GALNT18: variants seen among roughly 807,000 people sequenced by gnomAD.
GALNT18 encodes the protein polypeptide N-acetylgalactosaminyltransferase 18.
In GALNT18, 44 loss-of-function variants were observed where a neutral mutation model predicts 69.5. That is an observed-to-expected ratio of 0.63 (90% CI 0.50 to 0.81). The LOEUF (loss-of-function observed/expected upper bound fraction) is 0.81. GALNT18 is among the 40% of genes least tolerant of loss of function. The pLI, the probability that GALNT18 is intolerant of heterozygous loss-of-function variation, is 0.00. For synonymous variants in GALNT18, 364 were observed against 318.2 expected (o/e 1.14, Z -1.53); for missense variants, 715 against 810.0 (o/e 0.88, Z 1.42).
chr11:11,308,375 G>A (rs11021769), intron 9 of GALNT18, among the ~76,000 whole-genome samples: 8,190 of 152,058 alleles, frequency 0.054, 306 homozygotes, highest in Non-Finnish European at 0.081. Flanking sequence ...TTGTCTTTGT[G>A]GGGGTTTCTT....
At chr11:11,277,968 G>A (rs1166106621) in intron 10 of GALNT18, among the ~76,000 whole-genome samples, 4 of 152,164 alleles carry the variant, frequency 2.6e-5, no homozygotes, top group African/African-American at 9.6e-5. Context: ...TGAGAAGAAT[G>A]TATATTCTGT....
intron 1 of GALNT18, among the ~76,000 whole-genome samples, chr11:11,535,663 A>T (rs1396425566): frequency 6.6e-6 from 1 of 152,136 alleles, no homozygotes; most frequent in Non-Finnish European, 1.5e-5. Context: ...CTGACCACCC[A>T]GCCGGCCGAG....
chr11:11,587,419 A>T lies in GALNT18; in HGVS notation c.235+33940T>A, dbSNP rs1197225251. ...GGCTTCCCTTCAAGGAATCCGTTAC[A>T]CACCAAATCAGTGAAGACTGCATCC... On this transcript the variant is annotated intron_variant, in intron 1 of 10. Coordinates refer to ENST00000227756, the MANE Select transcript of GALNT18 (RefSeq NM_198516.3). The surrounding 1 kb of genome is among the most constrained non-coding windows in gnomAD (Gnocchi z 4.4). Among the ~76,000 whole-genome samples the T allele has an allele frequency of 1.3e-5, 2 of 152,204 alleles. No individual in the cohort carries two copies.
Position 11,617,285 on chromosome 11 carries a change from C to T in GALNT18, c.235+4074G>A, listed in dbSNP as rs954325966. On this transcript the variant is annotated intron_variant, in intron 1 of 10. Coordinates refer to ENST00000227756, the MANE Select transcript of GALNT18 (RefSeq NM_198516.3). The surrounding 1 kb of genome is among the most constrained non-coding windows in gnomAD (Gnocchi z 4.7). ...TATTAACTAACTCAAGCCCTGACCA[C>T]GTTGACTAAAAGGGATTCTTTGTCC... Among the ~76,000 whole-genome samples, 5 of 152,226 alleles carry T rather than the reference C, an allele frequency of 3.3e-5. No individual in the cohort carries two copies. Among genetic ancestry groups the T allele is most frequent in the African/African-American group, 7.2e-5 (3 of 41,464 alleles).
intron 1 of GALNT18, among the ~76,000 whole-genome samples, chr11:11,539,932 A>G (rs1857871452): frequency 6.6e-6 from 1 of 152,372 alleles, no homozygotes; most frequent in Admixed American, 6.5e-5. Flanking sequence ...TGTGATATAC[A>G]GTTTCCAGAC....
intron 1 of GALNT18, among the ~76,000 whole-genome samples, chr11:11,558,687 C>T (rs569866687): frequency 3.6e-4 from 55 of 152,378 alleles, no homozygotes; most frequent in Middle Eastern, 3.4e-3. Flanking sequence ...CCTCTTCTGA[C>T]GCACTGCTGG....
rs1857170424 is a variant in GALNT18, at chr11:11,511,759, G to A, written c.236-62823C>T. 6.6e-6 allele frequency among the ~76,000 whole-genome samples: 1 copy of A among 152,132 alleles called. No homozygotes were observed. The highest frequency in any genetic ancestry group is 6.5e-5 in the Admixed American group (1 of 15,282). On this transcript the variant is annotated intron_variant, in intron 1 of 10. Transcript: ENST00000227756. This position sits in a 1 kb window ranked among gnomAD's most constrained non-coding sequence, Gnocchi z 4.9. ...AAGAAGAGGCCAGAGAGCTCTCCCAGTCTCTTTTTGCCATGTGAGGATACA... is the reference window on the plus strand; with the variant it reads ...AAGAAGAGGCCAGAGAGCTCTCCCAATCTCTTTTTGCCATGTGAGGATACA...
chr11:11,433,910 A>T (rs1855336270), intron 2 of GALNT18, among the ~76,000 whole-genome samples: 1 of 152,178 alleles, frequency 6.6e-6, no homozygotes, highest in Admixed American at 6.5e-5. Context: ...CCAGGGCGTT[A>T]GGGCTGGTGA....
Position 11,605,705 on chromosome 11 carries a change from C to A in GALNT18, c.235+15654G>T, listed in dbSNP as rs1180110128. Among the ~76,000 whole-genome samples, 4 of 152,206 alleles carry A rather than the reference C, an allele frequency of 2.6e-5. No homozygotes were observed. Among genetic ancestry groups the A allele is most frequent in the Non-Finnish European group, 4.4e-5 (3 of 68,026 alleles). On this transcript the variant is annotated intron_variant, in intron 1 of 10. Coordinates refer to ENST00000227756, the MANE Select transcript of GALNT18 (RefSeq NM_198516.3). This position sits in a 1 kb window ranked among gnomAD's most constrained non-coding sequence, Gnocchi z 4.7. The stretch of plus-strand genomic sequence containing the variant: ...GAAGCAGAAATGCCCTGCTTACCTG[C>A]ATCTTTTCTGGCATTATTCTCTGCT...
At chr11:11,585,458 C>T (rs1246418583) in intron 1 of GALNT18, among the ~76,000 whole-genome samples, 1 of 151,052 alleles carries the variant, frequency 6.6e-6, no homozygotes, top group Admixed American at 6.6e-5. Flanking sequence ...CAGGTTCAAA[C>T]GATTTTCCTG....
At chr11:11,352,279 A>C (rs530056112) in intron 6 of GALNT18, 1 of 1,614,126 alleles carries the variant, frequency 6.2e-7, no homozygotes, top group Admixed American at 1.7e-5. Flanking sequence ...AAGCGTTCCC[A>C]TCGCTTTCGA....
In GALNT18 at chr11:11,540,887, G is replaced by T. The variant is rs1857903021; in HGVS notation, c.235+80472C>A. 6.6e-6 allele frequency among the ~76,000 whole-genome samples: 1 copy of T among 152,148 alleles called. No individual in the cohort carries two copies. Among genetic ancestry groups the T allele is most frequent in the African/African-American group, 2.4e-5 (1 of 41,422 alleles). ...CTATTCAGACACTGGGTTGTCAGAA[G>T]GAAAATGGGTTAGAAAATCCTCCCA... is the stretch of plus-strand genomic sequence containing the variant. On this transcript the variant is annotated intron_variant, in intron 1 of 10. Coordinates refer to ENST00000227756, the MANE Select transcript of GALNT18 (RefSeq NM_198516.3). This position sits in a 1 kb window ranked among gnomAD's most constrained non-coding sequence, Gnocchi z 4.6.
intron 3 of GALNT18, among the ~76,000 whole-genome samples, chr11:11,400,969 T>C (rs1216426346): frequency 1.3e-5 from 2 of 152,184 alleles, no homozygotes; most frequent in African/African-American, 2.4e-5. Flanking sequence ...CGGGGCTAAG[T>C]GCCCACATCT....
intron 6 of GALNT18, among the ~76,000 whole-genome samples, chr11:11,361,763 AT>A (rs1284238107): frequency 6.6e-6 from 1 of 152,192 alleles, no homozygotes; most frequent in Non-Finnish European, 1.5e-5. Flanking sequence ...CTCCAAGCAC[AT>A]TATGAAAATT....
At chr11:11,474,552 T>A (rs529122327) in intron 1 of GALNT18, among the ~76,000 whole-genome samples, 17 of 152,320 alleles carry the variant, frequency 1.1e-4, no homozygotes, top group East Asian at 3.9e-4. Context: ...AGTGCGTAAC[T>A]ATTGAGTAGT....
chr11:11,322,400 C>G (rs1463164379), intron 9 of GALNT18, among the ~76,000 whole-genome samples: 2 of 152,180 alleles, frequency 1.3e-5, no homozygotes, highest in Non-Finnish European at 2.9e-5. Flanking sequence ...ACAAAACATT[C>G]AACATTTGTC....
At chr11:11,524,522 T>C (rs1314286916) in intron 1 of GALNT18, among the ~76,000 whole-genome samples, 1 of 152,192 alleles carries the variant, frequency 6.6e-6, no homozygotes, top group Non-Finnish European at 1.5e-5. Flanking sequence ...AGCCATTGCA[T>C]ATGGAGGCTC....
chr11:11,439,729 T>G lies in GALNT18; in HGVS notation c.429-6942A>C, dbSNP rs908841227. Among the ~76,000 whole-genome samples the G allele has an allele frequency of 6.6e-6, 1 of 152,100 alleles. No homozygotes were observed. The highest frequency in any genetic ancestry group is 6.5e-5 in the Admixed American group (1 of 15,276). ...TGGGCTGAGTGAACACATGAATAAA[T>G]GAACAGCAGAAAGAATTCAGGTCCA... On this transcript the variant is annotated intron_variant, in intron 2 of 10. Transcript: ENST00000227756. This position sits in a 1 kb window ranked among gnomAD's most constrained non-coding sequence, Gnocchi z 4.4.
intron 3 of GALNT18, among the ~76,000 whole-genome samples, chr11:11,397,839 T>G (rs1373710749): frequency 6.6e-6 from 1 of 152,172 alleles, no homozygotes; most frequent in Non-Finnish European, 1.5e-5. Flanking sequence ...TGCAGTTGAT[T>G]GGGCTCTGTT....
Sources: allele counts gnomAD v4.1 joint callset (sites outside exome capture counted in the v4.1 genomes callset), GRCh38; gene constraint gnomAD v4.1.1; non-coding constraint Gnocchi (gnomAD v3.1); transcripts MANE v1.5; gene names NCBI Gene and HGNC (gene_info 2026-07-23, HGNC 2026-07-21).